Variants in PUS10 observed in about 807,000 individuals in gnomAD.
PUS10 encodes the protein pseudouridine synthase 10, also known as tRNA pseudouridine synthase Pus10.
Under a neutral mutation model 75.0 loss-of-function variants are expected in PUS10, and 59 were observed. The ratio of observed to expected loss-of-function variants is 0.79; its 90% confidence interval spans 0.64 to 0.98. PUS10 has a LOEUF of 0.98. PUS10 is among the 50% of genes least tolerant of loss of function. PUS10 has a pLI of 0.00. For missense variants in PUS10, 650 were observed against 614.4 expected, an observed-to-expected ratio of 1.06 and a Z score of -0.61; for synonymous variants, 219 against 211.6, an observed-to-expected ratio of 1.03 and a Z score of -0.30.
intron 4 of PUS10, among the ~76,000 whole-genome samples, chr2:60,988,563 T>C (rs1350966179): frequency 5.9e-5 from 9 of 152,086 alleles, no homozygotes; most frequent in Non-Finnish European, 1.0e-4. Context: ...AATGCAAAAA[T>C]TTTATCTTAA....
At chr2:61,007,769 CAA>C (rs70959884) in intron 3 of PUS10, among the ~76,000 whole-genome samples, 6 of 80,618 alleles carry the variant, frequency 7.4e-5, no homozygotes, top group Non-Finnish European at 7.1e-5. Context: ...AACTCTGTCT[CAA>C]AAAAAAAAAA....
chr2:60,958,099 A>G (rs961720267), intron 11 of PUS10, among the ~76,000 whole-genome samples: 12 of 152,210 alleles, frequency 7.9e-5, no homozygotes, highest in African/African-American at 2.9e-4. Context: ...GTGTTCTTTC[A>G]GCTGCCCACC....
intron 4 of PUS10, among the ~76,000 whole-genome samples, chr2:60,989,381 T>C (rs1049472442): frequency 2.0e-5 from 3 of 152,170 alleles, no homozygotes; most frequent in Admixed American, 6.5e-5. Context: ...GGTCTTTTGA[T>C]TGAGTCTTTT....
intron 6 of PUS10, chr2:60,966,875 G>A (rs1160601788): frequency 6.6e-6 from 1 of 152,304 alleles, no homozygotes; most frequent in Non-Finnish European, 1.5e-5. Flanking sequence ...ATGAAGCAAT[G>A]AGGCCATAAT....
chr2:60,972,300 G>GA (rs1345875220), intron 4 of PUS10, among the ~76,000 whole-genome samples: 39 of 148,616 alleles, frequency 2.6e-4, no homozygotes, highest in Middle Eastern at 3.2e-3. Context: ...CGTCTCTACT[G>GA]AAAAAAAAAG....
intron 4 of PUS10, among the ~76,000 whole-genome samples, chr2:61,001,520 A>G (rs1440635894): frequency 6.6e-6 from 1 of 152,026 alleles, no homozygotes. Context: ...CAGATGATCC[A>G]CCCACCTCAG....
At chr2:60,970,296 A>C (rs1239870230) in intron 5 of PUS10, among the ~76,000 whole-genome samples, 1 of 152,198 alleles carries the variant, frequency 6.6e-6, no homozygotes, top group Non-Finnish European at 1.5e-5. Context: ...TACCCTTTTG[A>C]AAATGCAGAT....
chr2:60,972,161 G>A (rs1676721095), intron 4 of PUS10, among the ~76,000 whole-genome samples: 1 of 134,058 alleles, frequency 7.5e-6, no homozygotes, highest in African/African-American at 2.6e-5. Context: ...GAGCCACCGC[G>A]CCCAGCCCGC....
At chr2:60,990,382 A>G (rs1678002262) in intron 4 of PUS10, among the ~76,000 whole-genome samples, 1 of 152,218 alleles carries the variant, frequency 6.6e-6, no homozygotes. Flanking sequence ...AAAATTCAGA[A>G]GAAGGGAACC....
chr2:60,993,629 T>C (rs1195023851), intron 4 of PUS10, among the ~76,000 whole-genome samples: 1 of 152,132 alleles, frequency 6.6e-6, no homozygotes, highest in Non-Finnish European at 1.5e-5. Context: ...TGGTATCTAG[T>C]CTAGAAAACA....
chr2:60,996,373 C>T (rs940331547), intron 4 of PUS10, among the ~76,000 whole-genome samples: 1 of 152,178 alleles, frequency 6.6e-6, no homozygotes, highest in South Asian at 2.1e-4. Context: ...TAGTGTATCA[C>T]GTAACAGAGT....
At chr2:61,012,504 C>T (rs1461114662) in intron 1 of PUS10, among the ~76,000 whole-genome samples, 1 of 151,626 alleles carries the variant, frequency 6.6e-6, no homozygotes, top group Non-Finnish European at 1.5e-5. Flanking sequence ...ACCCCCTTTC[C>T]CCAAAGCCAG....
At chr2:60,959,943 C>A (rs921330911) in intron 11 of PUS10, among the ~76,000 whole-genome samples, 2 of 151,876 alleles carry the variant, frequency 1.3e-5, no homozygotes, top group African/African-American at 4.8e-5. Context: ...CTTTGGGAAG[C>A]CCAGGCAGGA....
intron 4 of PUS10, among the ~76,000 whole-genome samples, chr2:60,981,098 G>A (rs1344056934): frequency 1.3e-5 from 2 of 151,996 alleles, no homozygotes; most frequent in Non-Finnish European, 2.9e-5. Context: ...TCGCCATGTT[G>A]GCCAGGCTTG....
intron 6 of PUS10, 32 bp from the exon 7 acceptor site, chr2:60,965,516 C>A: frequency 7.0e-7 from 1 of 1,437,034 alleles, no homozygotes; most frequent in Non-Finnish European, 9.6e-7. Context: ...TAAAAATGAG[C>A]AAAAGGAAAC....
At chr2:61,005,044 C>T (rs918609130) in intron 4 of PUS10, among the ~76,000 whole-genome samples, 3 of 152,302 alleles carry the variant, frequency 2.0e-5, no homozygotes, top group Admixed American at 6.5e-5. Flanking sequence ...CACCTGAGGT[C>T]GGGTGTCGGA....
Position 60,960,265 on chromosome 2 carries a change from G to A in PUS10, c.1000+127C>T. The A allele has an allele frequency of 4.6e-6, 3 of 650,578 alleles. No individual in the cohort carries two copies. In the South Asian group the frequency reaches 9.4e-5, roughly 20 times the overall value. The allele number at this position is 650,578 out of a possible 1,614,324, so 40.3% of individuals were successfully genotyped here. The stretch of plus-strand genomic sequence containing the variant: ...AGGCCAAGGTGGGCAGATCGTTTGA[G>A]CCCAGGAAGTCAAGGCTGCCATAAG... On this transcript the variant is annotated intron_variant, in intron 11 of 17. Coordinates refer to ENST00000316752, the MANE Select transcript of PUS10 (RefSeq NM_144709.4).
intron 4 of PUS10, among the ~76,000 whole-genome samples, chr2:60,983,816 A>G (rs1323407754): frequency 2.0e-5 from 3 of 152,124 alleles, no homozygotes; most frequent in African/African-American, 7.2e-5. Context: ...CAAAACTATC[A>G]TTATTTGCAA....
chr2:60,954,468 T>C (rs1675531509), intron 12 of PUS10, among the ~76,000 whole-genome samples: 2 of 152,202 alleles, frequency 1.3e-5, no homozygotes, highest in South Asian at 2.1e-4. Context: ...TAATGTAAAG[T>C]TGTCACATGC....
Sources: allele counts gnomAD v4.1 joint callset (sites outside exome capture counted in the v4.1 genomes callset), GRCh38; gene constraint gnomAD v4.1.1; transcripts MANE v1.5; gene names NCBI Gene and HGNC (gene_info 2026-07-23, HGNC 2026-07-21).